Variants in MACF1 observed in about 807,000 individuals in gnomAD.
MACF1 encodes the protein microtubule-actin cross-linking factor 1.
In MACF1, 193 loss-of-function variants were observed where a neutral mutation model predicts 854.8. That is an observed-to-expected ratio of 0.23 (90% CI 0.20 to 0.25). The LOEUF (loss-of-function observed/expected upper bound fraction) is 0.25, where lower values mean the gene tolerates loss of function less well. Ranked by LOEUF, MACF1 falls within the 10% of genes least tolerant of loss-of-function variation. MACF1 has a pLI of 1.00. For missense variants in MACF1, 7,722 were observed against 8,929.1 expected, an observed-to-expected ratio of 0.86 and a Z score of 5.45; for synonymous variants, 3,185 against 3,226.7, an observed-to-expected ratio of 0.99 and a Z score of 0.44.
intron 58 of MACF1, chr1:39,411,514 G>C (rs902007988): frequency 3.7e-6 from 6 of 1,613,762 alleles, no homozygotes; most frequent in Non-Finnish European, 5.1e-6. Context: ...TATACCCCTG[G>C]ATTGCGATTG....
At chr1:39,275,929 T>TTA (rs1645427815) in intron 6 of MACF1, among the ~76,000 whole-genome samples, 10 of 152,146 alleles carry the variant, frequency 6.6e-5, no homozygotes, top group Admixed American at 5.2e-4. Flanking sequence ...CTTCTTCTTT[T>TTA]TTTTTTTTTG....
intron 2 of MACF1, among the ~76,000 whole-genome samples, chr1:39,139,558 G>A (rs893024826): frequency 2.0e-5 from 3 of 151,840 alleles, no homozygotes; most frequent in African/African-American, 7.3e-5. Flanking sequence ...AAATGAACTA[G>A]TGCTTTCTGC....
intron 2 of MACF1, among the ~76,000 whole-genome samples, chr1:39,104,500 T>C (rs1160360804): frequency 2.0e-5 from 3 of 152,210 alleles, no homozygotes. Flanking sequence ...ACAGTCCTGG[T>C]TCCGTCTCAG....
At chr1:39,196,670 T>G (rs1644324513) in intron 2 of MACF1, among the ~76,000 whole-genome samples, 2 of 152,376 alleles carry the variant, frequency 1.3e-5, no homozygotes, top group Admixed American at 1.3e-4. Flanking sequence ...TTTGGCTTTT[T>G]TAGTTACGGT....
In MACF1 at chr1:39,433,173, AT is replaced by A. The variant is rs768155987; in HGVS notation, c.17565+21del. 11 of 1,428,326 alleles carry A rather than the reference AT, an allele frequency of 7.7e-6. No individual in the cohort carries two copies. Among genetic ancestry groups the A allele is most frequent in the Middle Eastern group, 3.7e-4 (2 of 5,414 alleles). The allele number at this position is 1,428,326 out of a possible 1,614,324, so 88.5% of individuals were successfully genotyped here. On this transcript the variant is annotated intron_variant, in intron 68 of 100. Coordinates refer to ENST00000564288, the MANE Select transcript of MACF1 (RefSeq NM_001394062.1). ...TATTACAGGTGAATTACATTTATTT[AT>A]TTGCCATATTGTTCCTGTTTTTATC... is the stretch of plus-strand genomic sequence containing the variant.
intron 22 of MACF1, 40 bp from the exon 23 acceptor site, chr1:39,302,884 G>T: frequency 6.3e-7 from 1 of 1,577,672 alleles, no homozygotes; most frequent in East Asian, 2.3e-5. Context: ...TGGGTTGTTG[G>T]TTTATCCATT....
chr1:39,336,506 C>T lies in MACF1; in HGVS notation c.9918C>T (p.Ser3306=). 1 of 1,614,024 alleles carries T rather than the reference C, an allele frequency of 6.2e-7. No homozygotes were observed. ...AGACCAGTGAAGAAAAGACAGTGTC[C>T]CTAACAGTATGCTCTGCAGTGAAGA... ...VLETSEEKTV[S]LTVCSAVKTE... is the part of the protein sequence containing the mutation. Residue 3306 remains serine, a synonymous_variant, in exon 37 of 101, where the codon TCC becomes TCT. Transcript: ENST00000564288.
intron 58 of MACF1, among the ~76,000 whole-genome samples, chr1:39,405,765 G>C (rs1642671680): frequency 6.6e-6 from 1 of 152,178 alleles, no homozygotes; most frequent in Non-Finnish European, 1.5e-5. Context: ...TTGAAATTTG[G>C]CTTCAGTGCA....
chr1:39,448,821 T>C, intron 84 of MACF1, 58 bp downstream of exon 84: 1 of 1,396,744 alleles, frequency 7.2e-7, no homozygotes, highest in South Asian at 1.6e-5. Context: ...AAGAGGTTCT[T>C]ACCAGATTCT....
chr1:39,471,270 T>C (rs975214962), intron 97 of MACF1, among the ~76,000 whole-genome samples: 3 of 152,174 alleles, frequency 2.0e-5, no homozygotes, highest in Non-Finnish European at 2.9e-5. Flanking sequence ...TAGAAGGGTA[T>C]GAAGGATGAG....
intron 1 of MACF1, among the ~76,000 whole-genome samples, chr1:39,225,519 G>A (rs1272558833): frequency 6.6e-6 from 1 of 152,154 alleles, no homozygotes; most frequent in African/African-American, 2.4e-5. Context: ...CCCGGCCATA[G>A]CAAATTTTTC....
At chr1:39,198,643 C>T (rs1334015369) in intron 2 of MACF1, among the ~76,000 whole-genome samples, 4 of 125,950 alleles carry the variant, frequency 3.2e-5, no homozygotes, top group African/African-American at 6.2e-5. Flanking sequence ...AGAGCAAGAG[C>T]GAAACTCCGT....
At chr1:39,325,728 A>G (rs1387444569) in intron 35 of MACF1, among the ~76,000 whole-genome samples, 1 of 152,202 alleles carries the variant, frequency 6.6e-6, no homozygotes, top group Non-Finnish European at 1.5e-5. Context: ...TAAGAAAGGT[A>G]TGGATAGAGG....
In MACF1 at chr1:39,460,871, A is replaced by G. The variant is rs1480384307; in HGVS notation, c.21523+77A>G. 1 of 1,532,646 alleles carries G rather than the reference A, an allele frequency of 6.5e-7. No individual in the cohort carries two copies. Among genetic ancestry groups the G allele is most frequent in the African/African-American group, 1.4e-5 (1 of 73,158 alleles). 94.9% of individuals were successfully genotyped at this position (1,532,646 alleles called of 1,614,324 possible). A position where few individuals can be genotyped will look rare whatever the true frequency, so the allele number is the denominator to read the frequency against. On this transcript the variant is annotated intron_variant, in intron 92 of 100. Coordinates refer to ENST00000564288, the MANE Select transcript of MACF1 (RefSeq NM_001394062.1). This position sits in a 1 kb window ranked among gnomAD's most constrained non-coding sequence, Gnocchi z 4.1. ...TTGTAGAAGCTGTGATATTCTAGCT[A>G]AACAGTCTTTCTGAAGCTGGCCAGG...
intron 14 of MACF1, 76 bp from the exon 15 acceptor site, chr1:39,287,197 ATCTTTGTCAAATG>A (rs1645662174): frequency 1.5e-6 from 2 of 1,361,176 alleles, no homozygotes; most frequent in African/African-American, 3.0e-5. Flanking sequence ...TTTTTATCAT[ATCTTTGTCAAATG>A]GATAAGGAAG....
Position 39,251,922 on chromosome 1 carries a change from A to G in MACF1, c.338A>G (p.Glu113Gly). 1 of 1,515,074 alleles carries G rather than the reference A, an allele frequency of 6.6e-7. No individual in the cohort carries two copies. The highest frequency in any genetic ancestry group is 8.8e-7 in the Non-Finnish European group (1 of 1,136,808). The allele number at this position is 1,515,074 out of a possible 1,614,324, so 93.9% of individuals were successfully genotyped here. Residue 113 changes from glutamate (E) to glycine (G), a missense_variant, in exon 4 of 101, where the codon GAG becomes GGG. Transcript: ENST00000564288. ...CATACAAACAACGAGGAGCAGGCGG[A>G]GGAAGATGATGATGATGTAGTAGGT... Reference protein sequence around the residue: ...WCHTNNEEQAEEDDDDVPREK... With the variant: ...WCHTNNEEQAGEDDDDVPREK...
chr1:39,268,407 T>A (rs1210533975), intron 6 of MACF1: 15 of 1,019,058 alleles, frequency 1.5e-5, no homozygotes, highest in Non-Finnish European at 1.8e-5. Flanking sequence ...GAGAGGAAGC[T>A]GCAGCCAATC....
At position 39,361,723 on chromosome 1, in the gene MACF1, G is replaced by T. The variant is rs762515080; in HGVS notation, c.12771+46G>T. On this transcript the variant is annotated intron_variant, in intron 49 of 100. Transcript: ENST00000564288. ...TTAGCAGAATAAAGGGAAGAGAAGG[G>T]CAGGGAGAGAACCAGCATTTGCTGA... 10 of 1,587,276 alleles carry T rather than the reference G, an allele frequency of 6.3e-6. No individual in the cohort carries two copies. The East Asian group carries it at 1.6e-4, about 25-fold the overall frequency.
At chr1:39,465,221 C>T (rs1008859231) in intron 95 of MACF1, 109 bp downstream of exon 95, 17 of 1,124,526 alleles carry the variant, frequency 1.5e-5, no homozygotes, top group South Asian at 1.0e-4. Context: ...ATGCCTGGGT[C>T]GCACCTGGTT....
Sources: gnomAD v4.1 joint callset for allele counts (sites outside exome capture counted in the v4.1 genomes callset) on GRCh38, gnomAD v4.1.1 for gene constraint, Gnocchi (gnomAD v3.1) non-coding constraint, MANE v1.5 for transcripts, NCBI Gene and HGNC (gene_info 2026-07-23, HGNC 2026-07-21) for gene names.